The following GRIP1 variants were observed in gnomAD, a reference collection of about 807,000 sequenced individuals.
GRIP1 encodes the protein glutamate receptor interacting protein 1.
A neutral mutation model predicts 129.9 loss-of-function variants in GRIP1; 45 were observed. The observed-to-expected ratio is 0.35, with a 90% CI of 0.27 to 0.44. The LOEUF (loss-of-function observed/expected upper bound fraction) is 0.44. Ranked by LOEUF, GRIP1 falls within the 20% of genes least tolerant of loss-of-function variation. GRIP1 has a pLI of 1.00. For missense variants in GRIP1, 1,196 were observed against 1,396.8 expected (o/e 0.86, Z 2.29); for synonymous variants, 530 against 520.8 (o/e 1.02, Z -0.24).
rs568753517 is a variant in GRIP1 at position 66,915,611 on chromosome 12, C to T, written c.58+153439G>A. ...CAGCCACTGCAAATTCCAGATTTGG[C>T]ACAGATCTCCTAACTGTGTAGCTTT... On this transcript the variant is annotated intron_variant, in intron 1 of 1. Coordinates refer to the GRIP1 transcript ENST00000643019. 1.1e-4 allele frequency among the ~76,000 whole-genome samples: 16 copies of T among 152,276 alleles called. No homozygotes were observed. In the South Asian group the frequency reaches 3.3e-3, roughly 32 times the overall value.
rs189752469 is a variant in GRIP1 at position 66,938,814 on chromosome 12, A to G, written c.58+130236T>C. Among the ~76,000 whole-genome samples the G allele has an allele frequency of 3.9e-3, 588 of 151,978 alleles. 7 individuals are homozygous for G. Among genetic ancestry groups the G allele is most frequent in the African/African-American group, 0.013 (523 of 41,456 alleles). ...TCCACTAAAAATACAAAAATTAGCC[A>G]GGCGTGGTGGTGCATGCCTGTAGTC... On this transcript the variant is annotated intron_variant, in intron 1 of 1. Transcript: ENST00000643019.
At chr12:66,450,812 T>C (rs1318027298) in intron 11 of GRIP1, among the ~76,000 whole-genome samples, 1 of 152,168 alleles carries the variant, frequency 6.6e-6, no homozygotes, top group Admixed American at 6.5e-5. Context: ...TATATTGTGA[T>C]TTAAAGATAA....
At chr12:66,573,616 G>C (rs1021931471) in intron 2 of GRIP1, among the ~76,000 whole-genome samples, 3 of 152,138 alleles carry the variant, frequency 2.0e-5, no homozygotes, top group Non-Finnish European at 4.4e-5. Flanking sequence ...GCTAGCTCCA[G>C]AGCCTGCGTT....
At chr12:66,783,535 C>T (rs1395795635) in intron 1 of GRIP1, among the ~76,000 whole-genome samples, 2 of 152,144 alleles carry the variant, frequency 1.3e-5, no homozygotes, top group African/African-American at 4.8e-5. Context: ...TTAATCAACA[C>T]TCAGAGAGAT....
intron 1 of GRIP1, among the ~76,000 whole-genome samples, chr12:66,905,863 G>A (rs2040922956): frequency 6.6e-6 from 1 of 151,994 alleles, no homozygotes; most frequent in African/African-American, 2.4e-5. Context: ...TAGTGTTTTC[G>A]ATTTCTACTA....
At chr12:67,010,280 T>G (rs1205070962) in intron 1 of GRIP1, among the ~76,000 whole-genome samples, 1 of 152,174 alleles carries the variant, frequency 6.6e-6, no homozygotes, top group African/African-American at 2.4e-5. Flanking sequence ...TTCAAACAAT[T>G]GACTGCACAA....
At chr12:66,394,777 C>T (rs1400512829) in intron 16 of GRIP1, among the ~76,000 whole-genome samples, 2 of 152,140 alleles carry the variant, frequency 1.3e-5, no homozygotes, top group Admixed American at 6.5e-5. Context: ...ACGCTGTTTC[C>T]GTTTTAAGCT....
At chr12:66,460,948 G>A (rs999176374) in intron 9 of GRIP1, among the ~76,000 whole-genome samples, 2 of 152,064 alleles carry the variant, frequency 1.3e-5, no homozygotes, top group Admixed American at 6.5e-5. Context: ...GCAATATAAC[G>A]GAAACACCTG....
intron 1 of GRIP1, among the ~76,000 whole-genome samples, chr12:66,798,740 C>G (rs1381936845): frequency 1.3e-5 from 2 of 152,046 alleles, no homozygotes; most frequent in African/African-American, 2.4e-5. Flanking sequence ...ACAGGTGACA[C>G]AGAAAATCAC....
intron 1 of GRIP1, among the ~76,000 whole-genome samples, chr12:66,821,303 TTAA>T (rs1481564829): frequency 6.6e-5 from 10 of 152,302 alleles, no homozygotes; most frequent in Admixed American, 3.3e-4. Context: ...AGATTTACCA[TTAA>T]TGAGTGCTAT....
chr12:66,774,774 A>G (rs768093629), intron 1 of GRIP1, among the ~76,000 whole-genome samples: 6 of 152,234 alleles, frequency 3.9e-5, no homozygotes, highest in Non-Finnish European at 5.9e-5. Context: ...AGAGTGCTTT[A>G]GATACACTGG....
chr12:66,609,242 C>T (rs2064685442), intron 1 of GRIP1, among the ~76,000 whole-genome samples: 1 of 152,010 alleles, frequency 6.6e-6, no homozygotes, highest in South Asian at 2.1e-4. Flanking sequence ...CACACTGCTT[C>T]AATAGAGGGG....
intron 1 of GRIP1, among the ~76,000 whole-genome samples, chr12:66,666,790 T>A (rs2033820165): frequency 6.6e-6 from 1 of 152,124 alleles, no homozygotes; most frequent in African/African-American, 2.4e-5. Context: ...ATTTTCTGAA[T>A]CATTGCATAC....
chr12:66,950,386 T>C (rs540946649), intron 1 of GRIP1, among the ~76,000 whole-genome samples: 12 of 152,324 alleles, frequency 7.9e-5, no homozygotes, highest in African/African-American at 2.9e-4. Context: ...CTCAAAAACA[T>C]TGTTTTTGTA....
intron 1 of GRIP1, among the ~76,000 whole-genome samples, chr12:67,049,366 G>A (rs1000743785): frequency 6.6e-6 from 1 of 152,044 alleles, no homozygotes; most frequent in Non-Finnish European, 1.5e-5. Context: ...ATACACCATG[G>A]AATACTATGC....
At chr12:66,613,153 A>C (rs1022350540) in intron 1 of GRIP1, among the ~76,000 whole-genome samples, 1 of 152,160 alleles carries the variant, frequency 6.6e-6, no homozygotes, top group Non-Finnish European at 1.5e-5. Flanking sequence ...TTAGTCCCCT[A>C]AACCAGACAC....
At chr12:66,492,314 G>C (rs1430796346) in intron 7 of GRIP1, among the ~76,000 whole-genome samples, 1 of 152,012 alleles carries the variant, frequency 6.6e-6, no homozygotes, top group Non-Finnish European at 1.5e-5. Flanking sequence ...CTACATTTCT[G>C]ACCGACCTCC....
chr12:66,859,809 A>G (rs1048581645), intron 1 of GRIP1, among the ~76,000 whole-genome samples: 2 of 152,080 alleles, frequency 1.3e-5, no homozygotes, highest in African/African-American at 4.8e-5. Context: ...ACTAACTAGC[A>G]GGCAGCACCA....
At chr12:66,648,033 T>C (rs2032504720) in intron 1 of GRIP1, among the ~76,000 whole-genome samples, 1 of 152,128 alleles carries the variant, frequency 6.6e-6, no homozygotes, top group African/African-American at 2.4e-5. Context: ...TTGAAATACT[T>C]TGAAAATAGT....
Sources: allele counts gnomAD v4.1 joint callset (sites outside exome capture counted in the v4.1 genomes callset), GRCh38; gene constraint gnomAD v4.1.1; transcripts MANE v1.5; gene names NCBI Gene and HGNC (gene_info 2026-07-23, HGNC 2026-07-21).